Variants in MED27 observed in about 807,000 individuals in gnomAD.
MED27 encodes the protein mediator of RNA polymerase II transcription subunit 27.
Under a neutral mutation model 38.2 loss-of-function variants are expected in MED27, and 30 were observed. The observed-to-expected ratio is 0.79, with a 90% CI of 0.59 to 1.07. The LOEUF (loss-of-function observed/expected upper bound fraction) is 1.07, where lower values mean the gene tolerates loss of function less well. Among genes scored for constraint, MED27 ranks in the 50% least tolerant of loss-of-function variants. MED27 has a pLI of 0.00. For synonymous variants in MED27, 122 were observed against 153.5 expected (o/e 0.79, Z 1.52); for missense variants, 289 against 397.5 (o/e 0.73, Z 2.32).
chr9:131,965,357 A>T (rs1351959124), intron 3 of MED27, among the ~76,000 whole-genome samples: 1 of 152,228 alleles, frequency 6.6e-6, no homozygotes, highest in African/African-American at 2.4e-5. Context: ...AAGCTGGTTA[A>T]TGGTCATTTT....
At position 131,992,863 on chromosome 9, in the gene MED27, A is replaced by G. The variant is rs538175990; in HGVS notation, c.479+21474T>C. On this transcript the variant is annotated intron_variant, in intron 3 of 7. Transcript: ENST00000292035. ...CATACTACTGCCACTCTAAACAACA[A>G]TAATTATAATACACAAGCAGCTAGC... Among the ~76,000 whole-genome samples the G allele has an allele frequency of 4.7e-4, 72 of 152,320 alleles. 1 individual carries two copies. In the South Asian group the frequency reaches 9.5e-3, roughly 20 times the overall value.
intron 5 of MED27, among the ~76,000 whole-genome samples, chr9:131,885,899 G>A (rs1369030988): frequency 4.6e-5 from 7 of 152,202 alleles, no homozygotes; most frequent in African/African-American, 1.2e-4. Flanking sequence ...TTGAGTGAAT[G>A]GAACACCTGG....
At chr9:131,969,218 G>A (rs185752556) in intron 3 of MED27, among the ~76,000 whole-genome samples, 149 of 143,090 alleles carry the variant, frequency 1.0e-3, no homozygotes, top group African/African-American at 3.4e-3. Context: ...TATCTTTCAC[G>A]AACCAGCCCC....
intron 3 of MED27, among the ~76,000 whole-genome samples, chr9:131,985,411 A>C (rs1171502512): frequency 6.6e-6 from 1 of 152,182 alleles, no homozygotes; most frequent in African/African-American, 2.4e-5. Flanking sequence ...ATGTTTTATA[A>C]CACAGTCAAG....
chr9:132,000,857 C>G (rs564128507), intron 3 of MED27, among the ~76,000 whole-genome samples: 52 of 151,802 alleles, frequency 3.4e-4, no homozygotes, highest in Non-Finnish European at 5.9e-4. Context: ...AATTGCTTAG[C>G]TTACAGGCGT....
rs144598243 is a variant in MED27 at position 131,912,160 on chromosome 9, G to A, written c.574-18168C>T. Among the ~76,000 whole-genome samples, 422 of 152,250 alleles carry A rather than the reference G, an allele frequency of 2.8e-3. 1 individual carries two copies. Among genetic ancestry groups the A allele is most frequent in the African/African-American group, 9.6e-3 (399 of 41,524 alleles). On this transcript the variant is annotated intron_variant, in intron 4 of 7. Transcript: ENST00000292035. ...AAGAAGTATTTGGGAAGCTCTCCTT[G>A]ACATTTTCCAAAGTCTACTTCATGA...
chr9:132,024,089 T>C (rs373480918), intron 2 of MED27, among the ~76,000 whole-genome samples: 15 of 152,264 alleles, frequency 9.9e-5, no homozygotes, highest in Non-Finnish European at 1.5e-4. Flanking sequence ...AGATGGAGCC[T>C]TGCAGTGAGA....
chr9:132,035,723 G>A (rs940627753), intron 2 of MED27, among the ~76,000 whole-genome samples: 1 of 152,188 alleles, frequency 6.6e-6, no homozygotes, highest in African/African-American at 2.4e-5. Flanking sequence ...GGCACTTTTG[G>A]AGGCCAAGGC....
chr9:131,890,107 C>T (rs1839204643), intron 5 of MED27, among the ~76,000 whole-genome samples: 2 of 152,098 alleles, frequency 1.3e-5, no homozygotes, highest in African/African-American at 4.8e-5. Flanking sequence ...ACACAGAGTA[C>T]TCAAAATAGA....
chr9:132,011,251 C>T (rs997978430), intron 3 of MED27, among the ~76,000 whole-genome samples: 4 of 151,006 alleles, frequency 2.6e-5, no homozygotes, highest in African/African-American at 9.7e-5. Context: ...AAAACTATTG[C>T]TTTTAAAAAC....
Position 131,950,162 on chromosome 9 carries a change from A to C in MED27, c.480-10688T>G, listed in dbSNP as rs1304113600. Among the ~76,000 whole-genome samples, 6 of 152,236 alleles carry C rather than the reference A, an allele frequency of 3.9e-5. No homozygotes were observed. The East Asian group carries it at 9.6e-4, about 24-fold the overall frequency. ...TTACGAGAGAGAAAAAAGAAAAAAA[A>C]CCCCTAATAATAAAACACCTGTGTT... is the stretch of plus-strand genomic sequence containing the variant. On this transcript the variant is annotated intron_variant, in intron 3 of 7. Coordinates refer to ENST00000292035, the MANE Select transcript of MED27 (RefSeq NM_004269.4).
chr9:132,050,025 G>A (rs573108520), intron 2 of MED27, among the ~76,000 whole-genome samples: 1 of 152,226 alleles, frequency 6.6e-6, no homozygotes, highest in South Asian at 2.1e-4. Context: ...TATAACATGG[G>A]ATGGGCCTGA....
At chr9:131,907,157 G>A (rs2131528639) in intron 4 of MED27, among the ~76,000 whole-genome samples, 1 of 152,114 alleles carries the variant, frequency 6.6e-6, no homozygotes, top group East Asian at 1.9e-4. Context: ...TACTTGTGCT[G>A]ACCTCCTATC....
chr9:131,901,537 G>A (rs1269719738), intron 4 of MED27, among the ~76,000 whole-genome samples: 3 of 152,310 alleles, frequency 2.0e-5, no homozygotes, highest in East Asian at 1.9e-4. Flanking sequence ...CTTGAGGAAC[G>A]GAGGGAGGAG....
chr9:131,925,597 CA>C (rs1325492519), intron 4 of MED27, among the ~76,000 whole-genome samples: 1 of 152,060 alleles, frequency 6.6e-6, no homozygotes, highest in East Asian at 1.9e-4. Context: ...GTAAAAAACA[CA>C]AAATGTTCAG....
chr9:131,957,188 T>C (rs1831123382), intron 3 of MED27, among the ~76,000 whole-genome samples: 1 of 152,184 alleles, frequency 6.6e-6, no homozygotes, highest in Admixed American at 6.5e-5. Context: ...TCCTAGATAT[T>C]TGCCCAAGAA....
At chr9:132,054,906 G>A (rs1178956585) in intron 2 of MED27, among the ~76,000 whole-genome samples, 13 of 152,202 alleles carry the variant, frequency 8.5e-5, no homozygotes, top group Admixed American at 8.5e-4. Context: ...CTGCCTGTCA[G>A]AAGCAGTCAC....
chr9:132,073,626 G>A (rs1451643546), intron 2 of MED27: 1 of 1,448,648 alleles, frequency 6.9e-7, no homozygotes, highest in Non-Finnish European at 9.0e-7. Context: ...GGTGAACTTT[G>A]CAGTAACTTA....
chr9:131,952,625 G>A (rs1831021518), intron 3 of MED27, among the ~76,000 whole-genome samples: 1 of 152,220 alleles, frequency 6.6e-6, no homozygotes, highest in Non-Finnish European at 1.5e-5. Context: ...TGGCCAAAGG[G>A]AGATGTGGAA....
Sources: allele counts gnomAD v4.1 joint callset (sites outside exome capture counted in the v4.1 genomes callset), GRCh38; gene constraint gnomAD v4.1.1; transcripts MANE v1.5; gene names NCBI Gene and HGNC (gene_info 2026-07-23, HGNC 2026-07-21).